Variants in COL25A1 observed in about 807,000 individuals in gnomAD.
The protein encoded by COL25A1 is collagen type XXV alpha 1 chain.
In COL25A1, 103 loss-of-function variants were observed where a neutral mutation model predicts 128.4. The observed-to-expected ratio is 0.80, with a 90% CI of 0.68 to 0.94. COL25A1 has a LOEUF of 0.94. Among genes scored for constraint, COL25A1 ranks in the 40% least tolerant of loss-of-function variants. The probability of loss-of-function intolerance (pLI) is 0.00; values close to 1 mark genes in which losing one functional copy is unlikely to be tolerated. For synonymous variants in COL25A1, 279 were observed against 277.2 expected (o/e 1.01, Z -0.06); for missense variants, 745 against 840.0 (o/e 0.89, Z 1.40).
intron 3 of COL25A1, among the ~76,000 whole-genome samples, chr4:109,089,644 C>T (rs906470959): frequency 6.6e-6 from 1 of 151,978 alleles, no homozygotes; most frequent in African/African-American, 2.4e-5. Flanking sequence ...CTTGCTCTGT[C>T]ACCCTGGCTG....
intron 3 of COL25A1, among the ~76,000 whole-genome samples, chr4:109,064,735 T>C (rs1017474475): frequency 6.6e-6 from 1 of 152,214 alleles, no homozygotes; most frequent in Admixed American, 6.5e-5. Flanking sequence ...AGCTCCATGT[T>C]TCCTTCCAAC....
chr4:108,838,524 A>G lies in COL25A1; in HGVS notation c.1656+3171T>C, dbSNP rs139543256. 7.6e-3 allele frequency among the ~76,000 whole-genome samples: 1,157 copies of G among 152,292 alleles called. 4 individuals carry two copies. The highest frequency in any genetic ancestry group is 0.024 in the Middle Eastern group (7 of 294). On this transcript the variant is annotated intron_variant, in intron 31 of 37. Transcript: ENST00000399132. Reference sequence around the variant, plus strand: ...AAGACAATCGAGTGGAGGATGCTGAAGAAGATTCGGTAGAAAAAAAAACCC... The same window carrying G: ...AAGACAATCGAGTGGAGGATGCTGAGGAAGATTCGGTAGAAAAAAAAACCC...
At chr4:108,950,361 A>T (rs1190170582) in intron 8 of COL25A1, among the ~76,000 whole-genome samples, 1 of 152,098 alleles carries the variant, frequency 6.6e-6, no homozygotes, top group Admixed American at 6.5e-5. Flanking sequence ...CGTGCCAGAT[A>T]GACATGTGTG....
chr4:109,108,465 A>G (rs1766667414), intron 3 of COL25A1, among the ~76,000 whole-genome samples: 1 of 151,954 alleles, frequency 6.6e-6, no homozygotes, highest in South Asian at 2.1e-4. Flanking sequence ...AGTCTTTGCT[A>G]TTGTGAATAG....
intron 3 of COL25A1, among the ~76,000 whole-genome samples, chr4:109,293,530 T>C (rs1472687578): frequency 6.6e-6 from 1 of 152,084 alleles, no homozygotes; most frequent in Non-Finnish European, 1.5e-5. Context: ...CCACTTAGCC[T>C]AAATGTGAAA....
intron 3 of COL25A1, among the ~76,000 whole-genome samples, chr4:109,213,394 T>C (rs1332391815): frequency 6.6e-6 from 1 of 152,190 alleles, no homozygotes; most frequent in Non-Finnish European, 1.5e-5. Flanking sequence ...CAACAGGATA[T>C]GGCACAAGAG....
chr4:108,961,568 CCTGTT>C (rs55657985), intron 8 of COL25A1, among the ~76,000 whole-genome samples: 19,087 of 135,380 alleles, frequency 0.14, 1,362 homozygotes, highest in Non-Finnish European at 0.17. Context: ...AGAAGGTTCT[CCTGTT>C]CTGTTCTGTT....
intron 5 of COL25A1, among the ~76,000 whole-genome samples, chr4:109,044,914 ATATAC>A: frequency 1.3e-5 from 2 of 152,314 alleles, no homozygotes; most frequent in Non-Finnish European, 2.9e-5. Context: ...AAAGGAAAAT[ATATAC>A]AGTTGACCTT....
At chr4:108,913,261 C>CTTTTTTTTTTTTTTTTTTTTTTT in intron 13 of COL25A1, among the ~76,000 whole-genome samples, 1 of 92,396 alleles carries the variant, frequency 1.1e-5, no homozygotes, top group Non-Finnish European at 2.1e-5. Flanking sequence ...TCTCTAGCTC[C>CTTTTTTTTTTTTTTTTTTTTTTT]TTTTTTTTTT....
intron 6 of COL25A1, among the ~76,000 whole-genome samples, chr4:108,986,765 G>C (rs1018361718): frequency 1.3e-5 from 2 of 152,112 alleles, no homozygotes; most frequent in African/African-American, 4.8e-5. Flanking sequence ...ATTTAAATAT[G>C]GACTGAGTGT....
chr4:108,900,056 T>A lies in COL25A1; in HGVS notation c.835-876A>T, dbSNP rs181424919. ...AAATAAGGCAATTATTGTATTTTTT[T>A]AAATTTATAACCCACTGCAGAAGTC... On this transcript the variant is annotated intron_variant, in intron 14 of 37. Coordinates refer to ENST00000399132, the MANE Select transcript of COL25A1 (RefSeq NM_198721.4). Among the ~76,000 whole-genome samples the A allele has an allele frequency of 3.7e-4, 56 of 152,292 alleles. No homozygotes were observed. In the Middle Eastern group the frequency reaches 0.027, roughly 74 times the overall value.
At chr4:109,284,150 T>G (rs1158010649) in intron 3 of COL25A1, among the ~76,000 whole-genome samples, 1 of 152,178 alleles carries the variant, frequency 6.6e-6, no homozygotes, top group Non-Finnish European at 1.5e-5. Context: ...TGGGACCAGG[T>G]GCAGTGGCTC....
intron 3 of COL25A1, among the ~76,000 whole-genome samples, chr4:109,114,091 A>G (rs1189155163): frequency 1.3e-5 from 2 of 152,150 alleles, no homozygotes; most frequent in African/African-American, 4.8e-5. Flanking sequence ...AACAAGATAC[A>G]AAGATATTAA....
At chr4:109,269,413 A>G (rs1452172499) in intron 3 of COL25A1, among the ~76,000 whole-genome samples, 2 of 146,328 alleles carry the variant, frequency 1.4e-5, no homozygotes, top group Non-Finnish European at 3.0e-5. Context: ...GTGTCTTTAT[A>G]GCAGCATGAT....
chr4:109,103,813 A>G (rs961508914), intron 3 of COL25A1, among the ~76,000 whole-genome samples: 3 of 152,200 alleles, frequency 2.0e-5, no homozygotes, highest in African/African-American at 7.2e-5. Flanking sequence ...TAATAAGGTT[A>G]ATAACTACAA....
intron 6 of COL25A1, among the ~76,000 whole-genome samples, chr4:108,996,259 G>T (rs12512268): frequency 1.2e-4 from 17 of 144,804 alleles, no homozygotes; most frequent in South Asian, 6.7e-4. Flanking sequence ...TCAAAATAAA[G>T]GGATGGAGGA....
intron 3 of COL25A1, among the ~76,000 whole-genome samples, chr4:109,076,229 A>C (rs949206568): frequency 1.3e-5 from 2 of 152,212 alleles, no homozygotes; most frequent in African/African-American, 2.4e-5. Flanking sequence ...ATATATCTAC[A>C]CTCATCAGAA....
rs1330968627 is a variant in COL25A1, at chr4:108,941,360, C to T, written c.564+6G>A. The stretch of plus-strand genomic sequence containing the variant: ...GAAATCAGACTTCAGCAAGAATAAG[C>T]ACTACCTTAATCAGGCGGCGTTTAA... On this transcript the variant is annotated splice_donor_region_variant and intron_variant, in intron 9 of 37. Coordinates refer to ENST00000399132, the MANE Select transcript of COL25A1 (RefSeq NM_198721.4). 16 of 1,611,076 alleles carry T rather than the reference C, an allele frequency of 9.9e-6. No homozygotes were observed. In the Admixed American group the frequency reaches 2.5e-4, roughly 25 times the overall value.
chr4:109,174,376 A>G (rs1256808753), intron 3 of COL25A1, among the ~76,000 whole-genome samples: 1 of 152,134 alleles, frequency 6.6e-6, no homozygotes, highest in African/African-American at 2.4e-5. Context: ...ATTCCTTTTT[A>G]TCACAGGGAC....
Sources: gnomAD v4.1 joint callset for allele counts (sites outside exome capture counted in the v4.1 genomes callset) on GRCh38, gnomAD v4.1.1 for gene constraint, MANE v1.5 for transcripts, NCBI Gene and HGNC (gene_info 2026-07-23, HGNC 2026-07-21) for gene names.